The following TRNT1 variants were observed in gnomAD, a reference collection of about 807,000 sequenced individuals.
TRNT1 encodes the protein CCA tRNA nucleotidyltransferase 1, mitochondrial.
In TRNT1, 44 loss-of-function variants were observed where a neutral mutation model predicts 45.6. The observed-to-expected ratio is 0.97, with a 90% CI of 0.76 to 1.24. The LOEUF is 1.24. Among genes scored for constraint, TRNT1 ranks in the 50% most tolerant of loss-of-function variants. The pLI, the probability that TRNT1 is intolerant of heterozygous loss-of-function variation, is 0.00. For synonymous variants in TRNT1, 201 were observed against 171.4 expected (o/e 1.17, Z -1.35); for missense variants, 633 against 504.4 (o/e 1.25, Z -2.44).
chr3:3,130,609 C>G (rs1704956509), intron 2 of TRNT1: 1 of 151,908 alleles, frequency 6.6e-6, no homozygotes. Context: ...TTTATGAGCC[C>G]ATATGTAATA....
chr3:3,152,538 C>T, downstream of TRNT1: 2 of 1,613,392 alleles, frequency 1.2e-6, no homozygotes, highest in Non-Finnish European at 1.7e-6. Context: ...GTCTCATGCA[C>T]ATATCCATGA....
chr3:3,148,159 G>C lies in TRNT1; in HGVS notation c.*5G>C. 1 of 1,610,516 alleles carries C rather than the reference G, an allele frequency of 6.2e-7. No individual in the cohort carries two copies. Among genetic ancestry groups the C allele is most frequent in the Non-Finnish European group, 8.5e-7 (1 of 1,178,438 alleles). On this transcript the variant is annotated 3_prime_UTR_variant, in exon 8 of 8. Coordinates refer to ENST00000251607, the MANE Select transcript of TRNT1 (RefSeq NM_182916.3). Reference sequence around the variant, plus strand: ...AGTTACATAAAGAAGACCTAAAACTGATGGCTACTAAAAAGCAGAGCATTT... The same window carrying C: ...AGTTACATAAAGAAGACCTAAAACTCATGGCTACTAAAAAGCAGAGCATTT...
rs771964719 is a variant in TRNT1, at chr3:3,146,466, T to C, written c.645T>C (p.His215=). Residue 215 remains histidine, a synonymous_variant, in exon 6 of 8, where the codon CAT becomes CAC. Transcript: ENST00000251607. ...GAATTGTAGACAAACCTGGTGACCA[T>C]GATCCTGAGACTTTGGAAGCAATTG... is the stretch of plus-strand genomic sequence containing the variant. The part of the protein sequence containing the change: ...YGRIVDKPGD[H]DPETLEAIAE... 5 of 1,613,500 alleles carry C rather than the reference T, an allele frequency of 3.1e-6. No homozygotes were observed. Among genetic ancestry groups the C allele is most frequent in the East Asian group, 2.2e-5 (1 of 44,868 alleles).
chr3:3,149,274 C>T (rs1575071527), downstream of TRNT1: 1 of 152,006 alleles, frequency 6.6e-6, no homozygotes, highest in Non-Finnish European at 1.5e-5. Context: ...CTTTGAAATA[C>T]TTACTTAAAA....
At chr3:3,152,492 A>G (rs747727790), downstream of TRNT1, 2 of 1,614,026 alleles carry the variant, frequency 1.2e-6, no homozygotes, top group Admixed American at 3.3e-5. Flanking sequence ...AGGCCGGCCT[A>G]TCAGATTCAA....
intron 4 of TRNT1, among the ~76,000 whole-genome samples, chr3:3,141,318 A>C (rs1184297130): frequency 6.0e-5 from 9 of 151,130 alleles, no homozygotes; most frequent in Non-Finnish European, 4.4e-5. Flanking sequence ...CACATGGTAC[A>C]TGTACATACT....
intron 4 of TRNT1, among the ~76,000 whole-genome samples, chr3:3,143,286 C>T (rs1292727640): frequency 6.6e-6 from 1 of 152,134 alleles, no homozygotes; most frequent in Non-Finnish European, 1.5e-5. Flanking sequence ...CTAGGAATGT[C>T]TCAGGCAAAC....
intron 5 of TRNT1, among the ~76,000 whole-genome samples, chr3:3,146,171 G>A (rs561852499): frequency 6.6e-6 from 1 of 151,442 alleles, no homozygotes; most frequent in South Asian, 2.1e-4. Context: ...AAGTGAGGTG[G>A]AGACCTTGAA....
chr3:3,131,389 A>G (rs1456152930), intron 2 of TRNT1: 1 of 152,192 alleles, frequency 6.6e-6, no homozygotes, highest in Non-Finnish European at 1.5e-5. Flanking sequence ...TTTTTTGGAA[A>G]TAAGGTTCTA....
downstream of TRNT1, chr3:3,152,536 C>G: frequency 6.2e-7 from 1 of 1,613,264 alleles, no homozygotes; most frequent in Non-Finnish European, 8.5e-7. Flanking sequence ...GTGTCTCATG[C>G]ACATATCCAT....
chr3:3,130,287 G>T, intron 2 of TRNT1: 1 of 257,546 alleles, frequency 3.9e-6, no homozygotes, highest in Non-Finnish European at 7.5e-6. Flanking sequence ...CTCTGGGTGG[G>T]ATGACCATCT....
rs758026798 is a variant in TRNT1, at chr3:3,137,323, A to G, written c.212A>G (p.Asn71Ser). 4 of 1,612,862 alleles carry G rather than the reference A, an allele frequency of 2.5e-6. No homozygotes were observed. The highest frequency in any genetic ancestry group is 3.4e-6 in the Non-Finnish European group (4 of 1,179,460). ...GGAGGAGCAGTGAGGGATTTATTAA[A>G]TGGAGTAAAGCCTCAGGATATAGAT... ...IAGGAVRDLL[N>S]GVKPQDIDFA... The change falls in exon 3 of 8, where the codon AAT (asparagine) becomes AGT (serine). Residue 71 changes from asparagine (N) to serine (S), a missense_variant. Coordinates refer to ENST00000251607, the MANE Select transcript of TRNT1 (RefSeq NM_182916.3).
intron 2 of TRNT1, among the ~76,000 whole-genome samples, chr3:3,134,897 AC>A (rs1705232641): frequency 6.6e-6 from 1 of 152,106 alleles, no homozygotes; most frequent in Non-Finnish European, 1.5e-5. Flanking sequence ...AATTCACCTA[AC>A]CTTACCTTCA....
chr3:3,152,028 G>A (rs2126049761), downstream of TRNT1, among the ~76,000 whole-genome samples: 1 of 152,266 alleles, frequency 6.6e-6, no homozygotes, highest in East Asian at 1.9e-4. Flanking sequence ...GATTTAACTG[G>A]ATACAGTAAT....
intron 3 of TRNT1, among the ~76,000 whole-genome samples, chr3:3,140,149 G>C (rs191259667): frequency 6.6e-6 from 1 of 152,154 alleles, no homozygotes; most frequent in Non-Finnish European, 1.5e-5. Context: ...TCACCTCTTT[G>C]CAAACTGGAG....
downstream of TRNT1, chr3:3,150,977 T>C (rs771439054): frequency 1.9e-6 from 3 of 1,614,086 alleles, no homozygotes; most frequent in South Asian, 1.1e-5. Context: ...CATGTCTTTT[T>C]TGGTGGCCGT....
At position 3,148,288 on chromosome 3, in the gene TRNT1, T is replaced by A. The variant is rs1376604955; in HGVS notation, c.*134T>A. ...CCTCTGTAGAACAACAAGGGTCTTA[T>A]TTTGTGAATTATATATTTCAAGAAC... On this transcript the variant is annotated 3_prime_UTR_variant, in exon 8 of 8. Coordinates refer to ENST00000251607, the MANE Select transcript of TRNT1 (RefSeq NM_182916.3). 2.3e-6 allele frequency: 2 copies of A among 888,556 alleles called. No individual in the cohort carries two copies. The highest frequency in any genetic ancestry group is 1.8e-5 in the South Asian group (1 of 55,082). 55.0% of individuals were successfully genotyped at this position (888,556 alleles called of 1,614,324 possible).
chr3:3,141,273 TA>T (rs1705632893), intron 4 of TRNT1, among the ~76,000 whole-genome samples: 2 of 152,320 alleles, frequency 1.3e-5, no homozygotes, highest in South Asian at 4.1e-4. Flanking sequence ...CTTAACTGCA[TA>T]TAAACATGAT....
chr3:3,150,652 G>T, downstream of TRNT1: 1 of 496,130 alleles, frequency 2.0e-6, no homozygotes, highest in Admixed American at 3.3e-5. Context: ...GATGTTTCTG[G>T]TATTCTAGAC....
Sources: gnomAD v4.1 joint callset for allele counts (sites outside exome capture counted in the v4.1 genomes callset) on GRCh38, gnomAD v4.1.1 for gene constraint, MANE v1.5 for transcripts, NCBI Gene and HGNC (gene_info 2026-07-23, HGNC 2026-07-21) for gene names.